GDAP2: variants seen among roughly 807,000 people sequenced by gnomAD.
GDAP2 encodes the protein ganglioside-induced differentiation-associated protein 2.
A neutral mutation model predicts 67.0 loss-of-function variants in GDAP2; 51 were observed. The observed-to-expected ratio is 0.76, with a 90% CI of 0.61 to 0.96. The LOEUF is 0.96. Among genes scored for constraint, GDAP2 ranks in the 40% least tolerant of loss-of-function variants. GDAP2 has a pLI of 0.00. For missense variants in GDAP2, 547 were observed against 588.3 expected, an observed-to-expected ratio of 0.93 and a Z score of 0.73; for synonymous variants, 203 against 207.3, an observed-to-expected ratio of 0.98 and a Z score of 0.18.
At chr1:117,924,161 C>A (rs1358813918) in intron 1 of GDAP2, among the ~76,000 whole-genome samples, 2 of 152,156 alleles carry the variant, frequency 1.3e-5, no homozygotes, top group Non-Finnish European at 2.9e-5. Context: ...TTCAGAGGTA[C>A]ATGTGCAGGT....
intron 8 of GDAP2, among the ~76,000 whole-genome samples, chr1:117,888,767 C>T (rs988448374): frequency 6.6e-5 from 10 of 152,086 alleles, no homozygotes; most frequent in African/African-American, 1.9e-4. Flanking sequence ...CTACTGCTTT[C>T]GGTGCAAACT....
chr1:117,907,613 C>G (rs1451646359), intron 5 of GDAP2, among the ~76,000 whole-genome samples: 1 of 152,204 alleles, frequency 6.6e-6, no homozygotes, highest in Non-Finnish European at 1.5e-5. Flanking sequence ...TCCTTTACCT[C>G]TTCCTTCATG....
chr1:117,878,807 G>C (rs1270827098), intron 12 of GDAP2, among the ~76,000 whole-genome samples: 1 of 152,102 alleles, frequency 6.6e-6, no homozygotes, highest in Non-Finnish European at 1.5e-5. Context: ...ACATAAACTA[G>C]GTAATGGCTT....
At chr1:117,914,852 T>C in intron 3 of GDAP2, among the ~76,000 whole-genome samples, 1 of 152,090 alleles carries the variant, frequency 6.6e-6, no homozygotes, top group East Asian at 1.9e-4. Flanking sequence ...GGAAGTAAAA[T>C]CTCAGTAGTT....
In GDAP2 at chr1:117,865,032, T is replaced by G. The variant is rs763199151; in HGVS notation, c.*5537A>C. The G allele has an allele frequency of 1.3e-5, 2 of 152,204 alleles. No individual in the cohort carries two copies. The highest frequency in any genetic ancestry group is 2.9e-5 in the Non-Finnish European group (2 of 68,032). The allele number at this position is 152,204 out of a possible 1,614,324, so 9.4% of individuals were successfully genotyped here. A position where few individuals can be genotyped will look rare whatever the true frequency, so the allele number is the denominator to read the frequency against. ...AGGAGAATTGATAACACCTAAGAGC[T>G]TGTTAGAAACTGATAATCCCAGAGG... On this transcript the variant is annotated 3_prime_UTR_variant, in exon 14 of 14. Transcript: ENST00000369443.
intron 12 of GDAP2, 79 bp downstream of exon 12, chr1:117,881,744 T>C: frequency 1.3e-6 from 1 of 792,496 alleles, no homozygotes; most frequent in Non-Finnish European, 2.3e-6. Flanking sequence ...AACAATTAAG[T>C]TGCTGAGCTA....
At chr1:117,905,419 T>A (rs1169923957) in intron 6 of GDAP2, among the ~76,000 whole-genome samples, 1 of 152,214 alleles carries the variant, frequency 6.6e-6, no homozygotes, top group Admixed American at 6.5e-5. Context: ...CAGGCTTGTA[T>A]GACCGCTGTC....
Position 117,867,329 on chromosome 1 carries a change from T to C in GDAP2, c.*3240A>G, listed in dbSNP as rs1057486658. On this transcript the variant is annotated 3_prime_UTR_variant, in exon 14 of 14. Coordinates refer to ENST00000369443, the MANE Select transcript of GDAP2 (RefSeq NM_017686.4). ...ATTAAAAAACTACATCTATTTTTCCTACCAAAAATACTCAAAAAACCCTCT... is the reference window on the plus strand; with the variant it reads ...ATTAAAAAACTACATCTATTTTTCCCACCAAAAATACTCAAAAAACCCTCT... 6.6e-6 allele frequency: 1 copy of C among 151,982 alleles called. No individual in the cohort carries two copies. Among genetic ancestry groups the C allele is most frequent in the Admixed American group, 6.6e-5 (1 of 15,256 alleles). The allele number at this position is 151,982 out of a possible 1,614,324, so 9.4% of individuals were successfully genotyped here.
chr1:117,886,415 G>T (rs748947090), intron 10 of GDAP2, among the ~76,000 whole-genome samples, 162 bp downstream of exon 10: 1 of 151,958 alleles, frequency 6.6e-6, no homozygotes, highest in Non-Finnish European at 1.5e-5. Context: ...ACCCCTAATC[G>T]AACTGAAATG....
At chr1:117,915,722 A>G (rs1185019787) in intron 3 of GDAP2, among the ~76,000 whole-genome samples, 1 of 152,242 alleles carries the variant, frequency 6.6e-6, no homozygotes, top group Non-Finnish European at 1.5e-5. Context: ...TAAAATTTCT[A>G]AATTCACAAA....
chr1:117,888,417 G>A (rs1223692170), intron 8 of GDAP2, among the ~76,000 whole-genome samples: 1 of 152,086 alleles, frequency 6.6e-6, no homozygotes, highest in African/African-American at 2.4e-5. Context: ...TGGCTAAGAG[G>A]ATGTTAAAGC....
At chr1:117,875,556 C>T (rs1021573823) in intron 13 of GDAP2, among the ~76,000 whole-genome samples, 3 of 152,186 alleles carry the variant, frequency 2.0e-5, no homozygotes, top group African/African-American at 4.8e-5. Context: ...GGGTTGCTCC[C>T]GTCCAGACCC....
chr1:117,894,166 G>GTC (rs1649186010), intron 8 of GDAP2, among the ~76,000 whole-genome samples: 1 of 150,760 alleles, frequency 6.6e-6, no homozygotes, highest in African/African-American at 2.4e-5. Context: ...TTGAGACAGG[G>GTC]TCTCTCTCTT....
intron 1 of GDAP2, among the ~76,000 whole-genome samples, chr1:117,926,776 C>T (rs1471733958): frequency 6.6e-6 from 1 of 152,066 alleles, no homozygotes; most frequent in African/African-American, 2.4e-5. Flanking sequence ...TGTATATGAG[C>T]TCATACAAGT....
intron 8 of GDAP2, among the ~76,000 whole-genome samples, chr1:117,895,114 A>G (rs1649223352): frequency 6.6e-6 from 1 of 152,226 alleles, no homozygotes. Flanking sequence ...ACATTTTAAT[A>G]TAATAGAATT....
intron 5 of GDAP2, among the ~76,000 whole-genome samples, chr1:117,909,093 CAA>C (rs1273982286): frequency 6.6e-6 from 1 of 152,160 alleles, no homozygotes; most frequent in Non-Finnish European, 1.5e-5. Flanking sequence ...CTCTTCCTTT[CAA>C]AGTTTCATCT....
chr1:117,903,165 GT>G (rs200021439), intron 6 of GDAP2, among the ~76,000 whole-genome samples: 5 of 150,554 alleles, frequency 3.3e-5, no homozygotes, highest in African/African-American at 7.3e-5. Flanking sequence ...TGTTTGTTTG[GT>G]TTTTTTTTGG....
Position 117,866,776 on chromosome 1 carries a change from C to A in GDAP2, c.*3793G>T, listed in dbSNP as rs1370654933. On this transcript the variant is annotated 3_prime_UTR_variant, in exon 14 of 14. Coordinates refer to ENST00000369443, the MANE Select transcript of GDAP2 (RefSeq NM_017686.4). ...GGCTGAGACAGGAGAATCTCTTGAA[C>A]CCAGGAGACAGAGATTACAGTGAGC... 2.6e-5 allele frequency: 4 copies of A among 151,170 alleles called. No homozygotes were observed. Among genetic ancestry groups the A allele is most frequent in the Non-Finnish European group, 5.9e-5 (4 of 67,924 alleles). The allele number at this position is 151,170 out of a possible 1,614,324, so 9.4% of individuals were successfully genotyped here.
rs1020160148 is a variant in GDAP2 at position 117,883,471 on chromosome 1, T to C, written c.1247+17A>G. 1.3e-6 allele frequency: 2 copies of C among 1,594,850 alleles called. No homozygotes were observed. The highest frequency in any genetic ancestry group is 1.7e-6 in the Non-Finnish European group (2 of 1,164,686). The stretch of plus-strand genomic sequence containing the variant: ...AAAGAAACTATTTCCCCTTCATAAT[T>C]TGCAAAAATAACTAACTTGACATCA... On this transcript the variant is annotated intron_variant, in intron 11 of 13. Coordinates refer to ENST00000369443, the MANE Select transcript of GDAP2 (RefSeq NM_017686.4).
Sources: allele counts gnomAD v4.1 joint callset (sites outside exome capture counted in the v4.1 genomes callset), GRCh38; gene constraint gnomAD v4.1.1; transcripts MANE v1.5; gene names NCBI Gene and HGNC (gene_info 2026-07-23, HGNC 2026-07-21).